Variants in ZNF331 observed in about 807,000 individuals in gnomAD.
ZNF331 encodes C2H2-like zinc finger protein rearranged in thyroid adenomas.
Under a neutral mutation model 7.0 loss-of-function variants are expected in ZNF331, and 2 were observed. The observed-to-expected ratio is 0.29, with a 90% confidence interval of 0.12 to 0.90. ZNF331 has a LOEUF of 0.90. Among genes scored for constraint, ZNF331 ranks in the 40% least tolerant of loss-of-function variants. ZNF331 has a pLI of 0.58. For synonymous variants in ZNF331, 196 were observed against 205.4 expected, an observed-to-expected ratio of 0.95 and a Z score of 0.39; for missense variants, 432 against 587.7, an observed-to-expected ratio of 0.74 and a Z score of 2.74.
rs749191053 is a variant in ZNF331 at position 53,571,747 on chromosome 19, A to G, written c.136+17A>G. The G allele has an allele frequency of 1.6e-5, 26 of 1,595,124 alleles. No individual in the cohort carries two copies. The highest frequency in any genetic ancestry group is 2.2e-5 in the Non-Finnish European group (26 of 1,170,674). On this transcript the variant is annotated intron_variant, in intron 5 of 5. Transcript: ENST00000449416. The surrounding 1 kb of genome is among the most constrained non-coding windows in gnomAD (Gnocchi z 4.7). ...TCTCACTGGGTGAGTTGCACGCCTC[A>G]GATAACTTAGACTGCCTCCTGGAAT... is the stretch of plus-strand genomic sequence containing the variant.
intron 3 of ZNF331, among the ~76,000 whole-genome samples, chr19:53,561,757 G>A (rs58233660): frequency 0.05 from 7,554 of 152,184 alleles, 628 homozygotes; most frequent in African/African-American, 0.17. Context: ...GGAAGCTGAA[G>A]TGGGAGGATC....
At chr19:53,545,661 A>G (rs2088548581) in intron 2 of ZNF331, among the ~76,000 whole-genome samples, 1 of 152,024 alleles carries the variant, frequency 6.6e-6, no homozygotes, top group South Asian at 2.1e-4. Context: ...TTGTATTTCC[A>G]TTGTCTCTGG....
intron 2 of ZNF331, among the ~76,000 whole-genome samples, chr19:53,553,030 C>T (rs1420301888): frequency 6.6e-6 from 1 of 151,988 alleles, no homozygotes; most frequent in Admixed American, 6.6e-5. Flanking sequence ...TATCTCCTCC[C>T]AAATTATACA....
chr19:53,549,368 A>T (rs888273510), intron 2 of ZNF331, among the ~76,000 whole-genome samples: 1 of 152,132 alleles, frequency 6.6e-6, no homozygotes, highest in Admixed American at 6.6e-5. Context: ...GGTTGCAGCA[A>T]AGAAAGACGG....
chr19:53,573,016 A>T lies in ZNF331; in HGVS notation c.136+1286A>T, dbSNP rs2090538461. On this transcript the variant is annotated intron_variant, in intron 5 of 5. Transcript: ENST00000449416. The surrounding 1 kb of genome is among the most constrained non-coding windows in gnomAD (Gnocchi z 4.2). ...GGCGGATCACTGGAGGTCAGGAGTT[A>T]GAGACCAGCCTGGCCAACATGGTGA... Among the ~76,000 whole-genome samples the T allele has an allele frequency of 6.6e-6, 1 of 152,034 alleles. No homozygotes were observed. The highest frequency in any genetic ancestry group is 2.1e-4 in the South Asian group (1 of 4,832).
At chr19:53,559,225 T>C (rs1245204996) in intron 3 of ZNF331, among the ~76,000 whole-genome samples, 4 of 148,518 alleles carry the variant, frequency 2.7e-5, no homozygotes, top group Admixed American at 6.7e-5. Context: ...GAGACACATA[T>C]ATACACACCA....
intron 3 of ZNF331, among the ~76,000 whole-genome samples, chr19:53,559,833 CAT>C (rs2089737999): frequency 6.8e-6 from 1 of 147,430 alleles, no homozygotes; most frequent in African/African-American, 2.7e-5. Flanking sequence ...CACGTATATA[CAT>C]ATATACATAT....
rs181571340 is a variant in ZNF331 at position 53,526,877 on chromosome 19, G to A, written c.-205+4193G>A. Among the ~76,000 whole-genome samples, 4 of 151,652 alleles carry A rather than the reference G, an allele frequency of 2.6e-5. No homozygotes were observed. In the East Asian group the frequency reaches 7.9e-4, roughly 30 times the overall value. On this transcript the variant is annotated intron_variant, in intron 2 of 6. Coordinates refer to the ZNF331 transcript ENST00000253144. ...CGGGAACTAATTTTTTTTATACCAG[G>A]CCTGCATTGATTGCATTATAAGAAA...
chr19:53,516,172 C>T (rs557387862), upstream of ZNF331, among the ~76,000 whole-genome samples: 4 of 152,150 alleles, frequency 2.6e-5, no homozygotes, highest in South Asian at 6.2e-4. Flanking sequence ...TTTATTGGGC[C>T]GGGCGTGGTG....
intron 5 of ZNF331, among the ~76,000 whole-genome samples, chr19:53,572,459 C>T (rs2147668935): frequency 6.6e-6 from 1 of 151,658 alleles, no homozygotes; most frequent in African/African-American, 2.4e-5. Flanking sequence ...TACCACTGTA[C>T]TCCAGGCTGG....
chr19:53,506,685 G>T, the ZNF331 span, among the ~76,000 whole-genome samples: 1 of 152,122 alleles, frequency 6.6e-6, no homozygotes, highest in South Asian at 2.1e-4. Context: ...GTTTAGGCAG[G>T]GTTCCCAGTG....
chr19:53,513,851 C>T, the ZNF331 span, among the ~76,000 whole-genome samples: 1 of 152,184 alleles, frequency 6.6e-6, no homozygotes, highest in East Asian at 1.9e-4. Context: ...CTCAGGTGAT[C>T]CACTATGCTT....
intron 2 of ZNF331, among the ~76,000 whole-genome samples, chr19:53,545,346 A>T (rs2088525039): frequency 6.6e-6 from 1 of 152,246 alleles, no homozygotes; most frequent in Non-Finnish European, 1.5e-5. Context: ...GAGCGTGACT[A>T]ACGGGGCATA....
At chr19:53,506,402 T>A in the ZNF331 span, among the ~76,000 whole-genome samples, 19 of 98,714 alleles carry the variant, frequency 1.9e-4, no homozygotes, top group African/African-American at 5.3e-4. Context: ...ACATACACAC[T>A]CTCTCTCTCC....
At chr19:53,526,993 A>G (rs965746566) in intron 2 of ZNF331, among the ~76,000 whole-genome samples, 1 of 151,626 alleles carries the variant, frequency 6.6e-6, no homozygotes, top group East Asian at 2.0e-4. Context: ...GTTTGAGACC[A>G]GCCTGACCAA....
Position 53,571,799 on chromosome 19 carries a change from A to G in ZNF331, c.136+69A>G. On this transcript the variant is annotated intron_variant, in intron 5 of 5. Transcript: ENST00000449416. The surrounding 1 kb of genome is among the most constrained non-coding windows in gnomAD (Gnocchi z 4.7). ...TCCGCTCTCCCCTGTGAATTTCAGG[A>G]CCGCCTTTCAAGAAACTAGTTGAAT... 6.6e-7 allele frequency: 1 copy of G among 1,518,726 alleles called. No individual in the cohort carries two copies. Among genetic ancestry groups the G allele is most frequent in the South Asian group, 1.3e-5 (1 of 76,332 alleles). 94.1% of individuals were successfully genotyped at this position (1,518,726 alleles called of 1,614,324 possible). A position where few individuals can be genotyped will look rare whatever the true frequency, so the allele number is the denominator to read the frequency against.
intron 2 of ZNF331, among the ~76,000 whole-genome samples, chr19:53,545,830 G>A (rs192963536): frequency 8.5e-5 from 13 of 152,250 alleles, no homozygotes; most frequent in Admixed American, 1.3e-4. Context: ...TCTCCGTACC[G>A]GCTCCTGTGT....
upstream of ZNF331, among the ~76,000 whole-genome samples, chr19:53,517,482 G>A (rs2086930329): frequency 6.6e-6 from 1 of 152,298 alleles, no homozygotes; most frequent in South Asian, 2.1e-4. Flanking sequence ...CCATCCTGCT[G>A]TCATTTGTGA....
upstream of ZNF331, among the ~76,000 whole-genome samples, chr19:53,518,468 C>T (rs527707771): frequency 6.6e-6 from 1 of 152,218 alleles, no homozygotes; most frequent in South Asian, 2.1e-4. Context: ...CCCTAATAAA[C>T]TTCCTTTCCT....
Sources: allele counts gnomAD v4.1 joint callset (sites outside exome capture counted in the v4.1 genomes callset), GRCh38; gene constraint gnomAD v4.1.1; non-coding constraint Gnocchi (gnomAD v3.1); transcripts MANE v1.5; gene names NCBI Gene and HGNC (gene_info 2026-07-23, HGNC 2026-07-21).